CEP170B: variants seen among roughly 807,000 people sequenced by gnomAD.
CEP170B encodes centrosomal protein of 170 kDa protein B.
CEP170B carries 55 observed loss-of-function variants against 120.6 expected under a neutral mutation model. That is an observed-to-expected ratio of 0.46 (90% confidence interval 0.37 to 0.57). CEP170B has a LOEUF of 0.57. Among genes scored for constraint, CEP170B ranks in the 20% least tolerant of loss-of-function variants. CEP170B has a pLI of 0.00. For synonymous variants in CEP170B, 1,033 were observed against 954.5 expected (o/e 1.08, Z -1.52); for missense variants, 2,212 against 2,253.3 (o/e 0.98, Z 0.37).
At chr14:104,872,787 C>T (rs1484599695) in intron 2 of CEP170B, among the ~76,000 whole-genome samples, 4 of 152,160 alleles carry the variant, frequency 2.6e-5, no homozygotes, top group East Asian at 3.9e-4. Flanking sequence ...GCTGCTGCTA[C>T]TGCCACTCAG....
Position 104,886,037 on chromosome 14 carries a change from C to T in CEP170B, c.1945-3C>T. On this transcript the variant is annotated splice_region_variant and splice_polypyrimidine_tract_variant and intron_variant, in intron 10 of 18. Coordinates refer to ENST00000414716, the MANE Select transcript of CEP170B (RefSeq NM_001112726.3). ...GGAAACACTCCCACCCTCCTCTCCACAGGGCCTCCCGGTGCCGGGCTCCCC... is the reference window on the plus strand; with the variant it reads ...GGAAACACTCCCACCCTCCTCTCCATAGGGCCTCCCGGTGCCGGGCTCCCC... 3 of 1,532,512 alleles carry T rather than the reference C, an allele frequency of 2.0e-6. No homozygotes were observed. The highest frequency in any genetic ancestry group is 2.6e-6 in the Non-Finnish European group (3 of 1,138,908). The allele number at this position is 1,532,512 out of a possible 1,614,324, so 94.9% of individuals were successfully genotyped here. A position where few individuals can be genotyped will look rare whatever the true frequency, so the allele number is the denominator to read the frequency against.
In CEP170B at chr14:104,884,097, C is replaced by G; in HGVS notation, c.1318C>G (p.Pro440Ala). The G allele has an allele frequency of 6.3e-7, 1 of 1,586,812 alleles. No homozygotes were observed. Among genetic ancestry groups the G allele is most frequent in the Non-Finnish European group, 8.6e-7 (1 of 1,166,960 alleles). Reference protein sequence around the residue: ...PKADKRRGPTPADRDRPSVPA... With the variant: ...PKADKRRGPTAADRDRPSVPA... ...GGCCGACAAGCGCCGTGGCCCAACG[C>G]CGGCCGATAGGGACCGCCCCAGTGT... Residue 440 changes from proline to alanine, a missense_variant, in exon 9 of 19, where the codon CCG becomes GCG. Physicochemically the swap from Pro to Ala is conservative, Grantham distance 27 (BLOSUM62 -1). Around this residue, in one of 2 missense-constraint regions of CEP170B, gnomAD observed 2,166 missense variants for 2,166.7 expected, o/e 1.00. Transcript: ENST00000414716.
chr14:104,894,658 G>C, intron 18 of CEP170B, 53 bp from the exon 19 acceptor site: 1 of 1,577,452 alleles, frequency 6.3e-7, no homozygotes, highest in Admixed American at 1.8e-5. Context: ...TGACTCACAG[G>C]GTGGGAGCAG....
intron 3 of CEP170B, 104 bp from the exon 4 acceptor site, chr14:104,877,781 T>C (rs1595326777): frequency 3.2e-6 from 2 of 616,312 alleles, no homozygotes; most frequent in Admixed American, 2.3e-5. Flanking sequence ...CCCGCGGCCC[T>C]GCCCACTGCC....
upstream of CEP170B, among the ~76,000 whole-genome samples, chr14:104,864,795 C>A (rs1170291765): frequency 1.3e-5 from 2 of 152,232 alleles, no homozygotes; most frequent in Non-Finnish European, 2.9e-5. This position sits in a 1 kb window ranked among gnomAD's most constrained non-coding sequence, Gnocchi z 5.9. Context: ...ACCGTCCGCT[C>A]CTCTTTTTGG....
rs751563681 is a variant in CEP170B at position 104,885,997 on chromosome 14, G to T, written c.1945-43G>T. The T allele has an allele frequency of 3.4e-6, 5 of 1,485,886 alleles. No homozygotes were observed. In the South Asian group the frequency reaches 3.9e-5, roughly 11 times the overall value. The allele number at this position is 1,485,886 out of a possible 1,614,324, so 92.0% of individuals were successfully genotyped here. On this transcript the variant is annotated intron_variant, in intron 10 of 18. Coordinates refer to ENST00000414716, the MANE Select transcript of CEP170B (RefSeq NM_001112726.3). The stretch of plus-strand genomic sequence containing the variant: ...TCCCTGGCACCCCCTGCTTCTCGCC[G>T]TTGGGCTTGCGTGTGGAAACACTCC...
chr14:104,870,016 T>G lies in CEP170B; in HGVS notation c.105+1461T>G, dbSNP rs1895393214. Among the ~76,000 whole-genome samples the G allele has an allele frequency of 6.6e-6, 1 of 152,238 alleles. No individual in the cohort carries two copies. On this transcript the variant is annotated intron_variant, in intron 2 of 18. Coordinates refer to ENST00000414716, the MANE Select transcript of CEP170B (RefSeq NM_001112726.3). This position sits in a 1 kb window ranked among gnomAD's most constrained non-coding sequence, Gnocchi z 4.1. ...GTTCCGGCTCTGAAGTTCTTTAATC[T>G]GGAACATTCTCTCCCTTTTTTCTCT...
chr14:104,880,512 C>A, intron 6 of CEP170B, 87 bp downstream of exon 6: 1 of 1,538,196 alleles, frequency 6.5e-7, no homozygotes, highest in South Asian at 1.2e-5. Context: ...ACCCCTTAAC[C>A]CTCTGCATGC....
At chr14:104,864,844 G>A (rs1282305682), upstream of CEP170B, among the ~76,000 whole-genome samples, 2 of 152,178 alleles carry the variant, frequency 1.3e-5, no homozygotes, top group Non-Finnish European at 2.9e-5. This position sits in a 1 kb window ranked among gnomAD's most constrained non-coding sequence, Gnocchi z 5.9. Flanking sequence ...GGCGCGGCTG[G>A]AGCCTACAGC....
At position 104,886,428 on chromosome 14, in the gene CEP170B, G is replaced by A. The variant is rs749640728; in HGVS notation, c.2189G>A (p.Ser730Asn). The A allele has an allele frequency of 1.9e-6, 3 of 1,579,034 alleles. No individual in the cohort carries two copies. Among genetic ancestry groups the A allele is most frequent in the African/African-American group, 1.3e-5 (1 of 74,352 alleles). The change falls in exon 12 of 19, where the codon AGT (serine) becomes AAT (asparagine). Residue 730 changes from serine (S) to asparagine (N), a missense_variant. By Grantham distance (46) the Ser-to-Asn change is conservative. This residue lies in a region of CEP170B where 2,166 missense variants were observed against 2,166.7 expected (regional missense o/e 1.00). Transcript: ENST00000414716. The stretch of plus-strand genomic sequence containing the variant: ...GGGCCTGGGCCACCGGAGCTGGACA[G>A]TGAGCAGCCCAGCCGCCTCTTCGGC... ...RSGPGPPELD[S>N]EQPSRLFGQE...
intron 5 of CEP170B, among the ~76,000 whole-genome samples, chr14:104,879,914 C>T (rs1168797751): frequency 6.6e-6 from 1 of 152,118 alleles, no homozygotes; most frequent in Non-Finnish European, 1.5e-5. Context: ...GGATGATCTC[C>T]GAGCAGCCTG....
intron 2 of CEP170B, among the ~76,000 whole-genome samples, chr14:104,872,318 C>CCGTGGGTGTGCGTGGGTGTG (rs146901987): frequency 5.2e-5 from 3 of 57,800 alleles, no homozygotes; most frequent in Non-Finnish European, 1.0e-4. Context: ...TGCGTGTGTG[C>CCGTGGGTGTGCGTGGGTGTG]CGTGGGTGTG....
chr14:104,877,708 G>T (rs958613810), intron 3 of CEP170B, among the ~76,000 whole-genome samples, 177 bp from the exon 4 acceptor site: 3 of 152,094 alleles, frequency 2.0e-5, no homozygotes, highest in Admixed American at 2.0e-4. Context: ...GGAACTTGGG[G>T]CTGGTGCCTG....
chr14:104,882,588 C>T (rs1014074345), intron 6 of CEP170B, 140 bp from the exon 7 acceptor site: 12 of 610,208 alleles, frequency 2.0e-5, no homozygotes, highest in Non-Finnish European at 3.1e-5. Context: ...AGAGGCGGGG[C>T]CCTGGGCTGC....
rs370724021 is a variant in CEP170B at position 104,893,770 on chromosome 14, G to A, written c.4192G>A (p.Asp1398Asn). ...GGCCGGGCTCTTGCAGGTGATCTTC[G>A]ATAACCTGATGCTGAACCCGGTGTC... The part of the protein sequence containing the change: ...RPRNREEVIF[D>N]NLMLNPVSQL... Residue 1398 changes from aspartate to asparagine, a missense_variant, in exon 16 of 19, where the codon GAT becomes AAT. Asp to Asn is a conservative substitution (Grantham distance 23). Transcript: ENST00000414716. 9.3e-6 allele frequency: 15 copies of A among 1,609,868 alleles called. No individual in the cohort carries two copies. Among genetic ancestry groups the A allele is most frequent in the East Asian group, 8.9e-5 (4 of 44,774 alleles).
Position 104,889,377 on chromosome 14 carries a change from A to G in CEP170B, c.3740-243A>G. On this transcript the variant is annotated intron_variant, in intron 12 of 18. Transcript: ENST00000414716. ...GCTGTTGATGTTTCAATGAAGGGCTACTGGGTGGGGGCACCAGCCTCGACG... is the reference window on the plus strand; with the variant it reads ...GCTGTTGATGTTTCAATGAAGGGCTGCTGGGTGGGGGCACCAGCCTCGACG... 4 of 893,694 alleles carry G rather than the reference A, an allele frequency of 4.5e-6. No homozygotes were observed. In the South Asian group the frequency reaches 8.0e-5, roughly 18 times the overall value. The allele number at this position is 893,694 out of a possible 1,614,324, so 55.4% of individuals were successfully genotyped here. A position where few individuals can be genotyped will look rare whatever the true frequency, so the allele number is the denominator to read the frequency against.
intron 12 of CEP170B, 72 bp from the exon 13 acceptor site, chr14:104,889,548 C>A: frequency 1.3e-6 from 2 of 1,599,044 alleles, no homozygotes; most frequent in South Asian, 1.1e-5. Flanking sequence ...TCGGATTACA[C>A]GTCCACCTCT....
At chr14:104,884,606 CCGGGGG>C in intron 9 of CEP170B, 57 bp downstream of exon 9, 1 of 1,460,024 alleles carries the variant, frequency 6.8e-7, no homozygotes, top group African/African-American at 1.6e-5. Flanking sequence ...GGAGGCGATG[CCGGGGG>C]TGGCGAGTGA....
Position 104,896,398 on chromosome 14 carries a change from G to A in CEP170B, c.*1440G>A. ...AGAGCCTGCTGTCTGTATGGAGGAG[G>A]TGCTAGCCCGGTCCACCGGGCTGCT... is the stretch of plus-strand genomic sequence containing the variant. On this transcript the variant is annotated 3_prime_UTR_variant, in exon 19 of 19. Transcript: ENST00000414716. 2.7e-6 allele frequency: 1 copy of A among 365,292 alleles called. No individual in the cohort carries two copies. The highest frequency in any genetic ancestry group is 7.4e-5 in the East Asian group (1 of 13,582). 22.6% of individuals were successfully genotyped at this position (365,292 alleles called of 1,614,324 possible). A position where few individuals can be genotyped will look rare whatever the true frequency, so the allele number is the denominator to read the frequency against.
Sources: gnomAD v4.1 joint callset for allele counts (sites outside exome capture counted in the v4.1 genomes callset) on GRCh38, gnomAD v4.1.1 for gene constraint, gnomAD v4.1.1 regional missense constraint, Gnocchi (gnomAD v3.1) non-coding constraint, MANE v1.5 for transcripts, NCBI Gene and HGNC (gene_info 2026-07-23, HGNC 2026-07-21) for gene names.